Variants in CALN1 observed in about 807,000 individuals in gnomAD.
CALN1 encodes calneuron 1, also known as calcium-binding protein 8.
Under a neutral mutation model 30.6 loss-of-function variants are expected in CALN1, and 17 were observed. That is an observed-to-expected ratio of 0.56 (90% CI 0.38 to 0.83). The LOEUF is 0.83. Among genes scored for constraint, CALN1 ranks in the 40% least tolerant of loss-of-function variants. The pLI is 0.00. For synonymous variants in CALN1, 156 were observed against 131.4 expected, an observed-to-expected ratio of 1.19 and a Z score of -1.28; for missense variants, 291 against 354.9, an observed-to-expected ratio of 0.82 and a Z score of 1.45.
At position 72,054,536 on chromosome 7, in the gene CALN1, T is replaced by TATATAC. The variant is rs1563015947; in HGVS notation, c.389-30768_389-30767insGTATAT. On this transcript the variant is annotated intron_variant, in intron 4 of 6. Coordinates refer to ENST00000395275, the MANE Select transcript of CALN1 (RefSeq NM_031468.4). Reference sequence around the variant, plus strand: ...ATATATATACATATATACATACATATATATATACATATATATATATATATA... The same window carrying TATATAC: ...ATATATATACATATATACATACATATATATACATATATACATATATATATATATATA... Among the ~76,000 whole-genome samples the TATATAC allele has an allele frequency of 3.8e-4, 47 of 123,830 alleles. 1 individual carries two copies. Among genetic ancestry groups the TATATAC allele is most frequent in the African/African-American group, 1.5e-3 (45 of 30,608 alleles). The allele number at this position is 123,830 out of a possible 152,430, so 81.2% of individuals were successfully genotyped here.
chr7:72,006,699 G>A (rs1362413362), intron 5 of CALN1, among the ~76,000 whole-genome samples: 1 of 152,100 alleles, frequency 6.6e-6, no homozygotes, highest in African/African-American at 2.4e-5. Flanking sequence ...GATGGACCAC[G>A]AAGGCTATTT....
intron 3 of CALN1, among the ~76,000 whole-genome samples, chr7:72,253,031 A>C (rs1348866483): frequency 1.3e-5 from 2 of 152,186 alleles, no homozygotes; most frequent in African/African-American, 4.8e-5. Flanking sequence ...GGGTCAGAGA[A>C]GGTCAAGGCT....
At chr7:72,354,571 G>T (rs1487303134) in intron 2 of CALN1, among the ~76,000 whole-genome samples, 1 of 152,194 alleles carries the variant, frequency 6.6e-6, no homozygotes, top group Non-Finnish European at 1.5e-5. Flanking sequence ...TCAAGAGAGT[G>T]TGGTTTTGGC....
At chr7:72,299,639 T>TA (rs1433184073) in intron 2 of CALN1, among the ~76,000 whole-genome samples, 1 of 150,916 alleles carries the variant, frequency 6.6e-6, no homozygotes, top group Non-Finnish European at 1.5e-5. Context: ...AAACAACAGT[T>TA]GATCTCACAA....
chr7:72,058,272 G>T (rs1234764650), intron 4 of CALN1, among the ~76,000 whole-genome samples: 1 of 151,134 alleles, frequency 6.6e-6, no homozygotes, highest in Non-Finnish European at 1.5e-5. Flanking sequence ...TCTCTTAGTG[G>T]CTGCTGGGGG....
At chr7:72,397,714 T>TCTCACACACACACACACACA (rs142607076) in intron 2 of CALN1, among the ~76,000 whole-genome samples, 120 of 142,908 alleles carry the variant, frequency 8.4e-4, no homozygotes, top group East Asian at 1.1e-3. Context: ...CCATTCTCTC[T>TCTCACACACACACACACACA]CACACACACA....
chr7:72,360,478 G>T (rs753692210), intron 2 of CALN1, among the ~76,000 whole-genome samples: 3 of 151,596 alleles, frequency 2.0e-5, no homozygotes, highest in Non-Finnish European at 4.4e-5. Flanking sequence ...CATGTTTATA[G>T]ATGCATACAA....
chr7:71,875,947 C>A (rs1338954364), intron 5 of CALN1, among the ~76,000 whole-genome samples: 1 of 152,144 alleles, frequency 6.6e-6, no homozygotes, highest in Non-Finnish European at 1.5e-5. Flanking sequence ...AGCACAAGTT[C>A]AAGGCCAGCA....
intron 1 of CALN1, among the ~76,000 whole-genome samples, chr7:72,411,272 T>C (rs966487394): frequency 2.0e-5 from 3 of 152,194 alleles, no homozygotes; most frequent in Admixed American, 2.0e-4. Context: ...AAACCGTTTT[T>C]TTCAAGTTAC....
At chr7:71,813,329 C>T (rs1418264546) in intron 5 of CALN1, among the ~76,000 whole-genome samples, 1 of 152,080 alleles carries the variant, frequency 6.6e-6, no homozygotes, top group African/African-American at 2.4e-5. Context: ...ACAGGCACTG[C>T]ACCAAGAGCA....
At chr7:71,933,353 G>A (rs999573387) in intron 5 of CALN1, among the ~76,000 whole-genome samples, 1 of 152,078 alleles carries the variant, frequency 6.6e-6, no homozygotes, top group African/African-American at 2.4e-5. Context: ...GCCTCCTCAA[G>A]CCTGCTTATA....
intron 5 of CALN1, among the ~76,000 whole-genome samples, chr7:71,863,557 CAAAAAAAAAAAAAA>C (rs71531769): frequency 3.1e-5 from 1 of 32,212 alleles, no homozygotes; most frequent in African/African-American, 6.7e-5. Flanking sequence ...AACTCCATCT[CAAAAAAAAAAAAAA>C]AAAAAAAAAA....
chr7:71,819,245 G>C (rs1417237216), intron 5 of CALN1, among the ~76,000 whole-genome samples: 2 of 137,418 alleles, frequency 1.5e-5, no homozygotes, highest in Non-Finnish European at 3.1e-5. Flanking sequence ...TTTCACTCTT[G>C]CTCCCCAGGC....
At chr7:71,863,605 C>T (rs370973722) in intron 5 of CALN1, among the ~76,000 whole-genome samples, 1 of 107,784 alleles carries the variant, frequency 9.3e-6, no homozygotes, top group African/African-American at 3.2e-5. Flanking sequence ...GAAATAACAA[C>T]AAAACACCCA....
At chr7:71,922,726 C>CATACAGAATATATTATATAAATATATAAA (rs1795025376) in intron 5 of CALN1, among the ~76,000 whole-genome samples, 1 of 130,184 alleles carries the variant, frequency 7.7e-6, no homozygotes, top group African/African-American at 2.9e-5. Context: ...AAATATATAA[C>CATACAGAATATATTATATAAATATATAAA]ATACAGAATA....
rs528205970 is a variant in CALN1 at position 72,215,373 on chromosome 7, C to T, written c.244+63313G>A. ...CTTTGGGAGGCCGAGGTGGGCAGATCACCTGAGGTCAGGAGTTCGAGACCA... is the reference window on the plus strand; with the variant it reads ...CTTTGGGAGGCCGAGGTGGGCAGATTACCTGAGGTCAGGAGTTCGAGACCA... On this transcript the variant is annotated intron_variant, in intron 3 of 6. Transcript: ENST00000395275. Among the ~76,000 whole-genome samples the T allele has an allele frequency of 2.2e-4, 34 of 152,202 alleles. 1 individual carries two copies. Among genetic ancestry groups the T allele is most frequent in the African/African-American group, 6.5e-4 (27 of 41,536 alleles).
At chr7:72,084,214 G>GCAAAA (rs965020206) in intron 4 of CALN1, among the ~76,000 whole-genome samples, 31 of 151,892 alleles carry the variant, frequency 2.0e-4, no homozygotes, top group Admixed American at 1.5e-3. Flanking sequence ...ATCTCAAAAA[G>GCAAAA]CAAAACAAAA....
At chr7:72,098,000 C>T (rs889563653) in intron 4 of CALN1, among the ~76,000 whole-genome samples, 7 of 152,204 alleles carry the variant, frequency 4.6e-5, no homozygotes, top group Non-Finnish European at 1.5e-5. Flanking sequence ...AGGCGTGAGC[C>T]ACCACGCCCG....
chr7:71,949,784 T>C (rs1227567091), intron 5 of CALN1, among the ~76,000 whole-genome samples: 1 of 151,744 alleles, frequency 6.6e-6, no homozygotes, highest in Non-Finnish European at 1.5e-5. Context: ...TTTTTTGAGA[T>C]GGAGTCTCGC....
Sources: gnomAD v4.1 joint callset for allele counts (sites outside exome capture counted in the v4.1 genomes callset) on GRCh38, gnomAD v4.1.1 for gene constraint, MANE v1.5 for transcripts, NCBI Gene and HGNC (gene_info 2026-07-23, HGNC 2026-07-21) for gene names.